Variants in INPP4B observed in about 807,000 individuals in gnomAD.
INPP4B encodes inositol polyphosphate 4-phosphatase type II.
Under a neutral mutation model 122.5 loss-of-function variants are expected in INPP4B, and 55 were observed. That is an observed-to-expected ratio of 0.45 (90% CI 0.36 to 0.56). The LOEUF (loss-of-function observed/expected upper bound fraction) is 0.56. Ranked by LOEUF, INPP4B falls within the 20% of genes least tolerant of loss-of-function variation. INPP4B has a pLI of 0.00. For synonymous variants in INPP4B, 403 were observed against 388.7 expected (o/e 1.04, Z -0.43); for missense variants, 1,000 against 1,097.7 (o/e 0.91, Z 1.26).
intron 17 of INPP4B, among the ~76,000 whole-genome samples, chr4:142,150,098 A>G (rs1030677197): frequency 1.3e-5 from 2 of 152,214 alleles, no homozygotes; most frequent in African/African-American, 2.4e-5. Flanking sequence ...GCAAAAATAC[A>G]TTCTCATTCT....
At chr4:142,087,413 C>T (rs889751943) in intron 23 of INPP4B, among the ~76,000 whole-genome samples, 5 of 152,092 alleles carry the variant, frequency 3.3e-5, no homozygotes, top group East Asian at 1.9e-4. Context: ...AGACAATGTA[C>T]GTTATGACCC....
chr4:142,070,460 C>T (rs1026470141), intron 25 of INPP4B, among the ~76,000 whole-genome samples: 1 of 152,108 alleles, frequency 6.6e-6, no homozygotes, highest in African/African-American at 2.4e-5. Flanking sequence ...CATTCCTCTT[C>T]AATATAGTGT....
intron 7 of INPP4B, chr4:142,347,591 T>C: frequency 2.7e-6 from 1 of 372,070 alleles, no homozygotes; most frequent in Non-Finnish European, 5.3e-6. Flanking sequence ...TTTCATTTAA[T>C]TTCCAACTTG....
intron 14 of INPP4B, among the ~76,000 whole-genome samples, chr4:142,207,574 C>T (rs1843065512): frequency 6.6e-6 from 1 of 152,012 alleles, no homozygotes; most frequent in Admixed American, 6.6e-5. Flanking sequence ...CTTCAGGCCC[C>T]CTAAAAGATG....
chr4:142,160,418 G>A lies in INPP4B; in HGVS notation c.1503C>T (p.Pro501=). 3 of 1,606,660 alleles carry A rather than the reference G, an allele frequency of 1.9e-6. No individual in the cohort carries two copies. The highest frequency in any genetic ancestry group is 1.7e-6 in the Non-Finnish European group (2 of 1,174,752). The change falls in exon 17 of 26, where the codon CCC becomes CCT. Residue 501 remains proline (P), a synonymous_variant. Coordinates refer to ENST00000262992, the MANE Select transcript of INPP4B (RefSeq NM_001101669.3). ...STEESSPQDQ[P]PVMRGQDSIP... The stretch of plus-strand genomic sequence containing the variant: ...TGGAGTCCTGCCCTCTCATCACTGG[G>A]GGTTGGTCTTGGGGACTGCTCTCCT...
intron 2 of INPP4B, among the ~76,000 whole-genome samples, chr4:142,667,995 C>A (rs1240504660): frequency 6.6e-6 from 1 of 152,126 alleles, no homozygotes; most frequent in Admixed American, 6.5e-5. Context: ...AATACAAATT[C>A]TTCAAAAATT....
intron 2 of INPP4B, among the ~76,000 whole-genome samples, chr4:142,626,053 C>A (rs1441584273): frequency 2.1e-4 from 32 of 152,238 alleles, no homozygotes; most frequent in Admixed American, 2.1e-3. Context: ...TAGGCAATAC[C>A]ATTCAGGACA....
intron 2 of INPP4B, among the ~76,000 whole-genome samples, chr4:142,545,954 T>C (rs922567023): frequency 2.0e-5 from 3 of 151,888 alleles, no homozygotes; most frequent in African/African-American, 7.3e-5. Context: ...TATTTTTAGT[T>C]CAGCAGTACA....
At chr4:142,491,465 C>T (rs953603319) in intron 2 of INPP4B, among the ~76,000 whole-genome samples, 2 of 152,014 alleles carry the variant, frequency 1.3e-5, no homozygotes, top group Non-Finnish European at 2.9e-5. Context: ...ACCAGCCTGA[C>T]CAACATGGTG....
intron 7 of INPP4B, among the ~76,000 whole-genome samples, chr4:142,391,744 T>C (rs1299477204): frequency 6.6e-6 from 1 of 152,164 alleles, no homozygotes; most frequent in Non-Finnish European, 1.5e-5. Context: ...TTGAATATAT[T>C]GGTATAGTGA....
chr4:142,685,064 T>C (rs1759152363), intron 2 of INPP4B, among the ~76,000 whole-genome samples: 1 of 152,080 alleles, frequency 6.6e-6, no homozygotes, highest in Non-Finnish European at 1.5e-5. Flanking sequence ...CATTATTCCC[T>C]GATTCAGACT....
chr4:142,398,437 TATATATATAA>T (rs1800411564), intron 7 of INPP4B, among the ~76,000 whole-genome samples: 9 of 81,168 alleles, frequency 1.1e-4, no homozygotes, highest in Admixed American at 9.6e-4. Flanking sequence ...TATATATATA[TATATATATAA>T]AACATATTAA....
At chr4:142,792,950 C>G (rs1242040921) in intron 1 of INPP4B, among the ~76,000 whole-genome samples, 2 of 152,098 alleles carry the variant, frequency 1.3e-5, no homozygotes, top group African/African-American at 4.8e-5. Flanking sequence ...CTGATGCTCC[C>G]TTTACTAGAT....
At chr4:142,641,399 C>A (rs1275076966) in intron 2 of INPP4B, among the ~76,000 whole-genome samples, 1 of 151,776 alleles carries the variant, frequency 6.6e-6, no homozygotes, top group Non-Finnish European at 1.5e-5. Context: ...AGGTATACCA[C>A]CTAATGCTAT....
At chr4:142,683,942 C>T (rs1332618094) in intron 2 of INPP4B, among the ~76,000 whole-genome samples, 1 of 151,804 alleles carries the variant, frequency 6.6e-6, no homozygotes, top group African/African-American at 2.4e-5. Flanking sequence ...CAGAGAGTGA[C>T]AGGATTTTTG....
At chr4:142,159,215 G>GA (rs1818789801) in intron 17 of INPP4B, among the ~76,000 whole-genome samples, 2 of 149,726 alleles carry the variant, frequency 1.3e-5, no homozygotes, top group Non-Finnish European at 1.5e-5. Flanking sequence ...TTACAGTTGA[G>GA]AAAATTGAAC....
At chr4:142,739,221 G>C (rs1171855833) in intron 1 of INPP4B, among the ~76,000 whole-genome samples, 1 of 152,060 alleles carries the variant, frequency 6.6e-6, no homozygotes, top group Non-Finnish European at 1.5e-5. Flanking sequence ...GCTTATCACT[G>C]TTTTAACGAA....
intron 5 of INPP4B, among the ~76,000 whole-genome samples, chr4:142,422,594 C>T (rs962826823): frequency 3.3e-5 from 5 of 151,918 alleles, no homozygotes; most frequent in African/African-American, 1.2e-4. Flanking sequence ...CACTGGAGCC[C>T]AAGAGTTCAA....
intron 9 of INPP4B, among the ~76,000 whole-genome samples, chr4:142,302,340 G>T (rs779457956): frequency 3.9e-5 from 6 of 152,088 alleles, no homozygotes; most frequent in Non-Finnish European, 7.4e-5. Flanking sequence ...TCCTTGCTTT[G>T]CTCTGCCATT....
Sources: gnomAD v4.1 joint callset for allele counts (sites outside exome capture counted in the v4.1 genomes callset) on GRCh38, gnomAD v4.1.1 for gene constraint, MANE v1.5 for transcripts, NCBI Gene and HGNC (gene_info 2026-07-23, HGNC 2026-07-21) for gene names.